The following SLC35D2 variants were observed in gnomAD, a reference collection of about 807,000 sequenced individuals.
SLC35D2 encodes solute carrier family 35 member D2, also known as nucleotide sugar transporter SLC35D2.
SLC35D2 carries 43 observed loss-of-function variants against 41.8 expected under a neutral mutation model. The ratio of observed to expected loss-of-function variants is 1.03; its 90% CI spans 0.81 to 1.33. SLC35D2 has a LOEUF of 1.33. Among genes scored for constraint, SLC35D2 ranks in the 40% most tolerant of loss-of-function variants. The pLI, the probability that SLC35D2 is intolerant of heterozygous loss-of-function variation, is 0.00. For missense variants in SLC35D2, 380 were observed against 408.4 expected (o/e 0.93, Z 0.60); for synonymous variants, 150 against 163.9 (o/e 0.92, Z 0.65).
At chr9:96,322,801 C>A (rs1416929255) in intron 10 of SLC35D2, among the ~76,000 whole-genome samples, 1 of 144,512 alleles carries the variant, frequency 6.9e-6, no homozygotes, top group Non-Finnish European at 1.5e-5. Context: ...TCACTGCAAC[C>A]TTTGCCTCCC....
chr9:96,317,250 T>C (rs1828075460), downstream of SLC35D2, among the ~76,000 whole-genome samples: 1 of 152,158 alleles, frequency 6.6e-6, no homozygotes, highest in African/African-American at 2.4e-5. Context: ...GTAAGTAAAC[T>C]AATGTTTGTG....
intron 9 of SLC35D2, among the ~76,000 whole-genome samples, chr9:96,328,553 A>G (rs1587835971): frequency 6.6e-6 from 1 of 152,230 alleles, no homozygotes; most frequent in African/African-American, 2.4e-5. Context: ...GAGGTGCCCA[A>G]GTAGAAACTC....
intron 8 of SLC35D2, among the ~76,000 whole-genome samples, chr9:96,337,818 C>T (rs13299657): frequency 5.1e-4 from 77 of 151,378 alleles, no homozygotes; most frequent in African/African-American, 1.7e-3. Context: ...CCTATCTCTA[C>T]GAAAAATACA....
intron 1 of SLC35D2, among the ~76,000 whole-genome samples, chr9:96,382,848 G>A (rs544450704): frequency 7.2e-5 from 11 of 152,284 alleles, no homozygotes; most frequent in African/African-American, 1.9e-4. Flanking sequence ...CTGACTGTGA[G>A]ACTGGTCCAA....
At chr9:96,359,808 G>C (rs1329797385) in intron 4 of SLC35D2, among the ~76,000 whole-genome samples, 1 of 152,156 alleles carries the variant, frequency 6.6e-6, no homozygotes, top group Non-Finnish European at 1.5e-5. Flanking sequence ...AGGCTGAGGA[G>C]ATGTTCCTGC....
intron 1 of SLC35D2, among the ~76,000 whole-genome samples, chr9:96,382,492 C>CTATATAT (rs1238678610): frequency 2.1e-5 from 3 of 144,194 alleles, no homozygotes; most frequent in Non-Finnish European, 3.0e-5. Context: ...CACACACACA[C>CTATATAT]ACACTATATA....
chr9:96,322,717 G>GTTTTT (rs57493593), intron 10 of SLC35D2, among the ~76,000 whole-genome samples: 2,520 of 111,170 alleles, frequency 0.023, 122 homozygotes, highest in Middle Eastern at 0.043. Context: ...GTTTTCTGGG[G>GTTTTT]TTTTTTTTTT....
intron 8 of SLC35D2, among the ~76,000 whole-genome samples, chr9:96,340,905 A>C (rs1408385826): frequency 6.6e-6 from 1 of 152,186 alleles, no homozygotes; most frequent in Non-Finnish European, 1.5e-5. Context: ...ATCAAATAGA[A>C]GAGGCTAAAC....
At position 96,352,028 on chromosome 9, in the gene SLC35D2, A is replaced by G. The variant is rs1244734810; in HGVS notation, c.419+10T>C. 6.2e-7 allele frequency: 1 copy of G among 1,602,188 alleles called. No homozygotes were observed. Among genetic ancestry groups the G allele is most frequent in the Non-Finnish European group, 8.5e-7 (1 of 1,170,222 alleles). ...GGCACACTGGAAGAATGGAGGAAAA[A>G]CAAAATCACCCAAGTATGATGGTTT... On this transcript the variant is annotated intron_variant, in intron 5 of 11. Coordinates refer to ENST00000253270, the MANE Select transcript of SLC35D2 (RefSeq NM_007001.3).
chr9:96,373,635 A>T (rs1830805531), intron 1 of SLC35D2, among the ~76,000 whole-genome samples: 1 of 151,216 alleles, frequency 6.6e-6, no homozygotes, highest in African/African-American at 2.4e-5. Context: ...TGCAGTGAGC[A>T]GAGATCACGC....
intron 1 of SLC35D2, among the ~76,000 whole-genome samples, chr9:96,378,596 A>AT (rs1411588729): frequency 6.6e-6 from 1 of 152,176 alleles, no homozygotes; most frequent in African/African-American, 2.4e-5. Flanking sequence ...GGAGTATAAT[A>AT]TTATATAATG....
chr9:96,348,054 C>A (rs1039495550), intron 6 of SLC35D2, among the ~76,000 whole-genome samples: 8 of 152,270 alleles, frequency 5.3e-5, no homozygotes, highest in East Asian at 3.9e-4. Flanking sequence ...AGTGGCCATT[C>A]TTTTATTCCT....
intron 11 of SLC35D2, among the ~76,000 whole-genome samples, chr9:96,315,115 C>T (rs1048043545): frequency 2.0e-5 from 3 of 152,082 alleles, no homozygotes; most frequent in Non-Finnish European, 4.4e-5. Context: ...TGCCATCTGA[C>T]CTTTTCATAG....
chr9:96,383,664 G>C lies in SLC35D2; in HGVS notation c.-30C>G, dbSNP rs1269645922. ...TGCGGCCCCGCGGACCCCGCCGCCC[G>C]CCAGCCCCGGCTGCGCACTGGTCCC... On this transcript the variant is annotated 5_prime_UTR_variant, in exon 1 of 12. Transcript: ENST00000253270. 45 of 1,006,768 alleles carry C rather than the reference G, an allele frequency of 4.5e-5. No individual in the cohort carries two copies. The highest frequency in any genetic ancestry group is 5.1e-5 in the Non-Finnish European group (43 of 845,994). The allele number at this position is 1,006,768 out of a possible 1,614,324, so 62.4% of individuals were successfully genotyped here. A position where few individuals can be genotyped will look rare whatever the true frequency, so the allele number is the denominator to read the frequency against.
In SLC35D2 at chr9:96,382,496, C is replaced by CACACACACTA. The variant is rs200897475; in HGVS notation, c.158+980_158+981insTAGTGTGTGT. On this transcript the variant is annotated intron_variant, in intron 1 of 11. Coordinates refer to ENST00000253270, the MANE Select transcript of SLC35D2 (RefSeq NM_007001.3). ...ACACACACACACACACACACACACA[C>CACACACACTA]TATATATATATATATATATATGCCT... is the stretch of plus-strand genomic sequence containing the variant. 1.7e-3 allele frequency among the ~76,000 whole-genome samples: 217 copies of CACACACACTA among 127,928 alleles called. 1 individual carries two copies. Among genetic ancestry groups the CACACACACTA allele is most frequent in the African/African-American group, 4.2e-3 (144 of 34,188 alleles). 83.9% of individuals were successfully genotyped at this position (127,928 alleles called of 152,430 possible).
intron 11 of SLC35D2, among the ~76,000 whole-genome samples, chr9:96,315,193 C>T (rs777772665): frequency 6.6e-5 from 10 of 152,236 alleles, no homozygotes; most frequent in Admixed American, 2.6e-4. Context: ...AATCATGGCT[C>T]ACTGCAGCCT....
At chr9:96,340,686 C>A (rs1564098266) in intron 8 of SLC35D2, among the ~76,000 whole-genome samples, 1 of 134,088 alleles carries the variant, frequency 7.5e-6, no homozygotes, top group African/African-American at 2.8e-5. Context: ...TTGACTTGTA[C>A]TTTGTTATTT....
chr9:96,319,417 T>A (rs898645494), downstream of SLC35D2, among the ~76,000 whole-genome samples: 1 of 152,096 alleles, frequency 6.6e-6, no homozygotes, highest in Admixed American at 6.6e-5. Context: ...AGAGGTAGGT[T>A]GCACAATCAG....
At chr9:96,332,408 T>C (rs1006424502) in intron 9 of SLC35D2, among the ~76,000 whole-genome samples, 3 of 152,166 alleles carry the variant, frequency 2.0e-5, no homozygotes, top group African/African-American at 7.2e-5. Flanking sequence ...GAAAGCAGTA[T>C]TCTGAAAAAG....
Sources: allele counts gnomAD v4.1 joint callset (sites outside exome capture counted in the v4.1 genomes callset), GRCh38; gene constraint gnomAD v4.1.1; transcripts MANE v1.5; gene names NCBI Gene and HGNC (gene_info 2026-07-23, HGNC 2026-07-21).